Variants in IL1RAPL1 observed in about 807,000 individuals in gnomAD.
IL1RAPL1 encodes the protein interleukin 1 receptor accessory protein like 1, also known as interleukin-1 receptor accessory protein-like 1.
Under a neutral mutation model 48.4 loss-of-function variants are expected in IL1RAPL1, and 3 were observed. The observed-to-expected ratio is 0.06, with a 90% confidence interval of 0.03 to 0.16. The LOEUF is 0.16. Among genes scored for constraint, IL1RAPL1 ranks in the 10% least tolerant of loss-of-function variants. IL1RAPL1 has a pLI of 1.00. For synonymous variants in IL1RAPL1, 185 were observed against 187.7 expected (o/e 0.99, Z 0.12); for missense variants, 349 against 530.6 (o/e 0.66, Z 3.36).
intron 3 of IL1RAPL1, among the ~76,000 whole-genome samples, chrX:29,327,983 C>A (rs1209494864): frequency 8.9e-6 from 1 of 111,760 alleles, no homozygotes; most frequent in East Asian, 2.8e-4. Context: ...GTTTGTTGAA[C>A]CCTGCTTTTT....
At chrX:29,194,196 TTAGG>T (rs1930401410) in intron 2 of IL1RAPL1, among the ~76,000 whole-genome samples, 1 of 112,471 alleles carries the variant, frequency 8.9e-6, no homozygotes, top group Non-Finnish European at 1.9e-5. Context: ...CATATATAAA[TTAGG>T]CAAAGATTAT....
At chrX:29,680,173 G>A (rs1364151026) in intron 6 of IL1RAPL1, among the ~76,000 whole-genome samples, 2 of 111,195 alleles carry the variant, frequency 1.8e-5, no homozygotes, top group Non-Finnish European at 3.8e-5. Flanking sequence ...TTAAAAGACA[G>A]GAGTGGTGCT....
chrX:29,898,799 G>C (rs1427828775), intron 6 of IL1RAPL1, among the ~76,000 whole-genome samples: 1 of 112,086 alleles, frequency 8.9e-6, no homozygotes, highest in Non-Finnish European at 1.9e-5. Context: ...TTCCCACTTA[G>C]AGAGTTGCTA....
intron 2 of IL1RAPL1, among the ~76,000 whole-genome samples, chrX:28,808,388 C>T (rs4131491): frequency 1.8e-5 from 2 of 111,016 alleles, no homozygotes; most frequent in Non-Finnish European, 3.8e-5. Flanking sequence ...TACATTCAAA[C>T]TCATGGTTAA....
chrX:29,322,249 CTCTT>C (rs1932808951), intron 3 of IL1RAPL1, among the ~76,000 whole-genome samples: 1 of 105,124 alleles, frequency 9.5e-6, no homozygotes, highest in Non-Finnish European at 2.0e-5. Context: ...TTCTGTCTTT[CTCTT>C]TCTCTCTCTC....
chrX:29,836,167 G>C (rs1276331564), intron 6 of IL1RAPL1, among the ~76,000 whole-genome samples: 1 of 94,840 alleles, frequency 1.1e-5, no homozygotes, highest in African/African-American at 3.7e-5. Context: ...ATAGATTTTG[G>C]TATGTTGTGT....
chrX:29,444,123 C>T (rs1051730923), intron 5 of IL1RAPL1, among the ~76,000 whole-genome samples: 2 of 111,492 alleles, frequency 1.8e-5, no homozygotes, highest in African/African-American at 6.5e-5. Flanking sequence ...GGGCGGATCA[C>T]TTGAGATCAG....
intron 1 of IL1RAPL1, among the ~76,000 whole-genome samples, chrX:28,704,801 C>CAT (rs1289601784): frequency 2.4e-5 from 1 of 41,005 alleles, no homozygotes; most frequent in East Asian, 1.2e-3. Context: ...TGAGTTCACA[C>CAT]ACACACACAC....
chrX:28,952,000 T>A (rs763397039), intron 2 of IL1RAPL1, among the ~76,000 whole-genome samples: 1 of 110,816 alleles, frequency 9.0e-6, no homozygotes, highest in Non-Finnish European at 1.9e-5. Flanking sequence ...AGTCCTCATA[T>A]ACTCTCTGGC....
chrX:28,889,023 C>G (rs1313380987), intron 2 of IL1RAPL1, among the ~76,000 whole-genome samples: 1 of 111,054 alleles, frequency 9.0e-6, no homozygotes, highest in Admixed American at 9.6e-5. Flanking sequence ...CATTAAGACT[C>G]AGGTTTAAAA....
intron 2 of IL1RAPL1, among the ~76,000 whole-genome samples, chrX:28,961,371 G>A (rs760741829): frequency 9.0e-6 from 1 of 110,997 alleles, no homozygotes; most frequent in African/African-American, 3.3e-5. Context: ...TGGGATACAT[G>A]TGCTGATCAT....
chrX:29,309,977 C>G (rs1035708193), intron 3 of IL1RAPL1, among the ~76,000 whole-genome samples: 13 of 106,397 alleles, frequency 1.2e-4, no homozygotes, highest in African/African-American at 4.5e-4. Flanking sequence ...GCCTGTAGTC[C>G]CAGCTACTCG....
rs199617702 is a variant in IL1RAPL1, at chrX:29,755,480, G to T, written c.778+86976G>T. On this transcript the variant is annotated intron_variant, in intron 6 of 10. Coordinates refer to ENST00000378993, the MANE Select transcript of IL1RAPL1 (RefSeq NM_014271.4). ...TTCCCAACAAACCCACCATGAAGTT[G>T]GTTACTCCTTTCTTCATACTCCCAG... 5.4e-5 allele frequency among the ~76,000 whole-genome samples: 6 copies of T among 111,125 alleles called. No homozygotes were observed. The East Asian group carries it at 1.1e-3, about 21-fold the overall frequency.
intron 5 of IL1RAPL1, among the ~76,000 whole-genome samples, chrX:29,614,155 A>C (rs768047691): frequency 5.2e-4 from 58 of 111,638 alleles, no homozygotes; most frequent in African/African-American, 1.9e-3. Context: ...ATCTTCTGAG[A>C]GATTTAACTC....
At chrX:29,773,329 G>T (rs1929111679) in intron 6 of IL1RAPL1, among the ~76,000 whole-genome samples, 2 of 111,570 alleles carry the variant, frequency 1.8e-5, no homozygotes. Context: ...TCAAGAACTG[G>T]CTGTGCTGAA....
intron 2 of IL1RAPL1, among the ~76,000 whole-genome samples, chrX:28,960,730 C>T (rs1482737829): frequency 2.7e-5 from 3 of 111,148 alleles, no homozygotes; most frequent in South Asian, 3.7e-4. Flanking sequence ...GGTAAAGGGC[C>T]GGGCGCCGTG....
intron 5 of IL1RAPL1, among the ~76,000 whole-genome samples, chrX:29,563,128 A>G (rs972315847): frequency 2.7e-5 from 3 of 112,236 alleles, no homozygotes; most frequent in Non-Finnish European, 3.8e-5. Context: ...TCTCTACCTA[A>G]GTACAAAATA....
intron 1 of IL1RAPL1, among the ~76,000 whole-genome samples, chrX:28,739,218 C>T (rs1001554548): frequency 9.9e-5 from 11 of 110,984 alleles, no homozygotes; most frequent in Admixed American, 1.9e-4. Flanking sequence ...CACTGAAAGA[C>T]ATTCCTTTCC....
chrX:28,959,391 A>C (rs1240958218), intron 2 of IL1RAPL1, among the ~76,000 whole-genome samples: 1 of 111,420 alleles, frequency 9.0e-6, no homozygotes, highest in Non-Finnish European at 1.9e-5. Flanking sequence ...GTAGTTAATA[A>C]TTTTATTTCT....
Sources: allele counts gnomAD v4.1 joint callset (sites outside exome capture counted in the v4.1 genomes callset), GRCh38; gene constraint gnomAD v4.1.1; transcripts MANE v1.5; gene names NCBI Gene and HGNC (gene_info 2026-07-23, HGNC 2026-07-21).